The following TBC1D16 variants were observed in gnomAD, a reference collection of about 807,000 sequenced individuals.
The protein encoded by TBC1D16 is CTD-2529O21.1.
Under a neutral mutation model 74.7 loss-of-function variants are expected in TBC1D16, and 58 were observed. The observed-to-expected ratio is 0.78, with a 90% CI of 0.63 to 0.97. TBC1D16 has a LOEUF of 0.97. TBC1D16 is among the 50% of genes least tolerant of loss of function. TBC1D16 has a pLI of 0.00. For missense variants in TBC1D16, 1,014 were observed against 1,079.5 expected (o/e 0.94, Z 0.85); for synonymous variants, 493 against 474.7 (o/e 1.04, Z -0.50).
chr17:79,959,591 A>G (rs2033499783), intron 3 of TBC1D16, among the ~76,000 whole-genome samples: 1 of 152,244 alleles, frequency 6.6e-6, no homozygotes. Context: ...ATTATTTACA[A>G]AAGTGCAAAG....
In TBC1D16 at chr17:79,976,351, C is replaced by T. The variant is rs569931613; in HGVS notation, c.780-23533G>A. On this transcript the variant is annotated intron_variant, in intron 3 of 11. Coordinates refer to ENST00000310924, the MANE Select transcript of TBC1D16 (RefSeq NM_019020.4). ...GTTTTAACCATAAGGCATTTTCTCA[C>T]GCAGGGCTTTCCAATGTTGGCCCAC... Among the ~76,000 whole-genome samples the T allele has an allele frequency of 3.9e-5, 6 of 152,290 alleles. No individual in the cohort carries two copies. In the East Asian group the frequency reaches 5.8e-4, roughly 15 times the overall value.
intron 1 of TBC1D16, among the ~76,000 whole-genome samples, chr17:80,034,346 C>G (rs2036877423): frequency 6.6e-6 from 1 of 151,848 alleles, no homozygotes; most frequent in Non-Finnish European, 1.5e-5. Flanking sequence ...ATTACAGGCT[C>G]ACGCCACCAC....
chr17:80,020,780 C>A (rs2036256864), intron 1 of TBC1D16, among the ~76,000 whole-genome samples: 1 of 149,832 alleles, frequency 6.7e-6, no homozygotes, highest in African/African-American at 2.5e-5. Flanking sequence ...TAAACTGGAC[C>A]CCAACTCGTA....
intron 7 of TBC1D16, among the ~76,000 whole-genome samples, chr17:79,949,277 G>A (rs1012962279): frequency 6.6e-6 from 1 of 152,252 alleles, no homozygotes; most frequent in African/African-American, 2.4e-5. Flanking sequence ...CTTGGCCCTG[G>A]CCCAGCGTTC....
At chr17:79,947,886 G>A in intron 8 of TBC1D16, 55 bp from the exon 9 acceptor site, 1 of 1,489,760 alleles carries the variant, frequency 6.7e-7, no homozygotes, top group Non-Finnish European at 9.2e-7. Context: ...GCGGCACACT[G>A]CCCAGCCTGC....
At chr17:79,955,782 T>G (rs918185552) in intron 3 of TBC1D16, among the ~76,000 whole-genome samples, 3 of 152,156 alleles carry the variant, frequency 2.0e-5, no homozygotes, top group African/African-American at 7.2e-5. Flanking sequence ...TGAAAAAAAG[T>G]CAGCACTATC....
chr17:79,940,754 G>C lies in TBC1D16; in HGVS notation c.*105C>G. The stretch of plus-strand genomic sequence containing the variant: ...ATGTTGCCCAAAAGCATTTTCCTTA[G>C]GTTTCTACCGTCCCCTGTCCCCTTC... On this transcript the variant is annotated 3_prime_UTR_variant, in exon 12 of 12. Coordinates refer to ENST00000310924, the MANE Select transcript of TBC1D16 (RefSeq NM_019020.4). This position sits in a 1 kb window ranked among gnomAD's most constrained non-coding sequence, Gnocchi z 5.4. The C allele has an allele frequency of 7.6e-7, 1 of 1,316,476 alleles. No individual in the cohort carries two copies. Among genetic ancestry groups the C allele is most frequent in the Non-Finnish European group, 1.0e-6 (1 of 1,001,784 alleles). 81.5% of individuals were successfully genotyped at this position (1,316,476 alleles called of 1,614,324 possible).
chr17:80,008,587 G>A lies in TBC1D16; in HGVS notation c.779+1573C>T, dbSNP rs888842133. Among the ~76,000 whole-genome samples the A allele has an allele frequency of 1.3e-5, 2 of 152,120 alleles. No individual in the cohort carries two copies. The highest frequency in any genetic ancestry group is 1.3e-4 in the Admixed American group (2 of 15,276). On this transcript the variant is annotated intron_variant, in intron 3 of 11. Transcript: ENST00000310924. The surrounding 1 kb of genome is among the most constrained non-coding windows in gnomAD (Gnocchi z 4.5). The stretch of plus-strand genomic sequence containing the variant: ...TGTTGGCCTGGCACCACCAGGGGGA[G>A]CTCCGACTGAGTCCGGCCTGCGGGA...
intron 9 of TBC1D16, among the ~76,000 whole-genome samples, chr17:79,946,508 A>G (rs1014056932): frequency 6.6e-6 from 1 of 151,700 alleles, no homozygotes; most frequent in Non-Finnish European, 1.5e-5. Context: ...TATGAGACAC[A>G]CTCCGTGGCC....
In TBC1D16 at chr17:79,958,730, T is replaced by C. The variant is rs543245980; in HGVS notation, c.780-5912A>G. Among the ~76,000 whole-genome samples, 4 of 152,292 alleles carry C rather than the reference T, an allele frequency of 2.6e-5. No individual in the cohort carries two copies. The South Asian group carries it at 8.3e-4, about 32-fold the overall frequency. On this transcript the variant is annotated intron_variant, in intron 3 of 11. Coordinates refer to ENST00000310924, the MANE Select transcript of TBC1D16 (RefSeq NM_019020.4). ...GACAAACCTGTCTACAAACTAGGAA[T>C]GGAAGAGAAGCTCCTCAAGCTGATA...
In TBC1D16 at chr17:79,938,139, G is replaced by A. The variant is rs1384896063; in HGVS notation, c.*2720C>T. 6.6e-6 allele frequency: 1 copy of A among 152,222 alleles called. No individual in the cohort carries two copies. Among genetic ancestry groups the A allele is most frequent in the East Asian group, 1.9e-4 (1 of 5,200 alleles). 9.4% of individuals were successfully genotyped at this position (152,222 alleles called of 1,614,324 possible). On this transcript the variant is annotated 3_prime_UTR_variant, in exon 12 of 12. Transcript: ENST00000310924. ...TAATCCCGGGGCAACAGCTGCCGCGGGGTTTTTGGCTGGTTTCCTCTAATT... is the reference window on the plus strand; with the variant it reads ...TAATCCCGGGGCAACAGCTGCCGCGAGGTTTTTGGCTGGTTTCCTCTAATT...
At position 79,948,885 on chromosome 17, in the gene TBC1D16, C is replaced by T; in HGVS notation, c.1528G>A (p.Val510Met). The T allele has an allele frequency of 6.2e-7, 1 of 1,614,114 alleles. No homozygotes were observed. Among genetic ancestry groups the T allele is most frequent in the Non-Finnish European group, 8.5e-7 (1 of 1,179,998 alleles). ...GGGAGGGAGTACCTCATGCTCTCCA[C>T]ATTGGGATTGTCTTCCCCCCGGAAG... is the stretch of plus-strand genomic sequence containing the variant. ...QFFRGEDNPN[V>M]ESMRRILLNY... The change falls in exon 8 of 12, where the codon GTG becomes ATG. Residue 510 changes from valine to methionine, a missense_variant. Coordinates refer to ENST00000310924, the MANE Select transcript of TBC1D16 (RefSeq NM_019020.4).
At chr17:79,978,109 T>C (rs2034414043) in intron 3 of TBC1D16, among the ~76,000 whole-genome samples, 1 of 151,892 alleles carries the variant, frequency 6.6e-6, no homozygotes, top group South Asian at 2.1e-4. Flanking sequence ...ACGGTCGAGC[T>C]CGGGAGCGCC....
chr17:79,947,593 G>C (rs2032653158), intron 9 of TBC1D16, 52 bp downstream of exon 9: 1 of 1,587,718 alleles, frequency 6.3e-7, no homozygotes, highest in African/African-American at 1.3e-5. Context: ...AACGGGAGAG[G>C]CAACACGGGC....
intron 1 of TBC1D16, among the ~76,000 whole-genome samples, chr17:80,028,462 G>A (rs1185587731): frequency 6.6e-6 from 1 of 151,870 alleles, no homozygotes; most frequent in Non-Finnish European, 1.5e-5. Flanking sequence ...CCAGGAGGCA[G>A]AGGTTACAGT....
chr17:80,013,294 A>G (rs2035959113), intron 2 of TBC1D16, 73 bp downstream of exon 2: 1 of 1,428,942 alleles, frequency 7.0e-7, no homozygotes, highest in Non-Finnish European at 9.4e-7. Flanking sequence ...GCTGTGGCCC[A>G]GGGCCTTTAG....
chr17:80,029,250 C>T (rs938320487), intron 1 of TBC1D16, among the ~76,000 whole-genome samples: 1 of 152,082 alleles, frequency 6.6e-6, no homozygotes, highest in Non-Finnish European at 1.5e-5. Flanking sequence ...GGGGGAGCTG[C>T]CTGCAAGGTG....
At chr17:80,034,021 G>A (rs1274356367) in intron 1 of TBC1D16, among the ~76,000 whole-genome samples, 1 of 152,170 alleles carries the variant, frequency 6.6e-6, no homozygotes, top group Non-Finnish European at 1.5e-5. Context: ...CATGAGCTTG[G>A]GAAGTTACTT....
chr17:80,031,337 C>T (rs1219153590), intron 1 of TBC1D16, among the ~76,000 whole-genome samples: 1 of 152,150 alleles, frequency 6.6e-6, no homozygotes, highest in African/African-American at 2.4e-5. Context: ...AGGATACACC[C>T]GGAAAGCCTG....
Sources: allele counts gnomAD v4.1 joint callset (sites outside exome capture counted in the v4.1 genomes callset), GRCh38; gene constraint gnomAD v4.1.1; non-coding constraint Gnocchi (gnomAD v3.1); transcripts MANE v1.5; gene names NCBI Gene and HGNC (gene_info 2026-07-23, HGNC 2026-07-21).